SPEN: variants seen among roughly 807,000 people sequenced by gnomAD.
SPEN encodes spen family transcriptional repressor.
A neutral mutation model predicts 269.9 loss-of-function variants in SPEN; 18 were observed. That is an observed-to-expected ratio of 0.07 (90% CI 0.05 to 0.10). The LOEUF (loss-of-function observed/expected upper bound fraction) is 0.10. Among genes scored for constraint, SPEN ranks in the 10% least tolerant of loss-of-function variants. The pLI is 1.00. For synonymous variants in SPEN, 1,726 were observed against 1,765.7 expected (o/e 0.98, Z 0.56); for missense variants, 3,822 against 4,631.2 (o/e 0.83, Z 5.07).
At position 15,934,950 on chromosome 1, in the gene SPEN, G is replaced by T; in HGVS notation, c.8710G>T (p.Ala2904Ser). 6.2e-7 allele frequency: 1 copy of T among 1,613,914 alleles called. No individual in the cohort carries two copies. Among genetic ancestry groups the T allele is most frequent in the Non-Finnish European group, 8.5e-7 (1 of 1,179,988 alleles). The change falls in exon 11 of 15, where the codon GCC becomes TCC. Residue 2904 changes from alanine to serine, a missense_variant. Transcript: ENST00000375759. This position sits in a 1 kb window ranked among gnomAD's most constrained non-coding sequence, Gnocchi z 9.2. ...NASPVISSVK[A>S]DRPSLEKPEP... ...CTCTCCTGTGATTTCGTCTGTGAAG[G>T]CCGATAGGCCATCCTTGGAGAAGCC...
intron 1 of SPEN, among the ~76,000 whole-genome samples, chr1:15,856,786 T>C (rs2070392794): frequency 6.6e-6 from 1 of 152,046 alleles, no homozygotes; most frequent in Non-Finnish European, 1.5e-5. Flanking sequence ...TAGGCTGGTC[T>C]TGAACTCCTG....
rs1315037790 is a variant in SPEN at position 15,930,549 on chromosome 1, G to T, written c.4309G>T (p.Asp1437Tyr). The change falls in exon 11 of 15, where the codon GAT becomes TAT. Residue 1437 changes from aspartate (D) to tyrosine (Y), a missense_variant. Asp to Tyr is a radical substitution (Grantham distance 160). Coordinates refer to ENST00000375759, the MANE Select transcript of SPEN (RefSeq NM_015001.3). This position sits in a 1 kb window ranked among gnomAD's most constrained non-coding sequence, Gnocchi z 5.3. ...GAACAAATTTTACTCTTTTGCATTG[G>T]ATAAGACAATCACACCAGACACTAA... is the stretch of plus-strand genomic sequence containing the variant. ...ERNKFYSFAL[D>Y]KTITPDTKAL... 3 of 1,614,068 alleles carry T rather than the reference G, an allele frequency of 1.9e-6. No individual in the cohort carries two copies. Among genetic ancestry groups the T allele is most frequent in the Non-Finnish European group, 2.5e-6 (3 of 1,179,980 alleles).
At chr1:15,887,276 A>ATTTTT (rs34435171) in intron 3 of SPEN, among the ~76,000 whole-genome samples, 16 of 82,294 alleles carry the variant, frequency 1.9e-4, no homozygotes, top group African/African-American at 5.5e-4. Flanking sequence ...CCTGGCCTGA[A>ATTTTT]TTTTTTTTTT....
chr1:15,923,431 C>T lies in SPEN; in HGVS notation c.1850+1082C>T, dbSNP rs142469981. The stretch of plus-strand genomic sequence containing the variant: ...TGGAATGTTCCCACTAGGTCTCCAC[C>T]CCTATATGTGTTAGACAAAAGGTTT... On this transcript the variant is annotated intron_variant, in intron 10 of 14. Coordinates refer to ENST00000375759, the MANE Select transcript of SPEN (RefSeq NM_015001.3). Among the ~76,000 whole-genome samples, 4 of 152,202 alleles carry T rather than the reference C, an allele frequency of 2.6e-5. No homozygotes were observed. The East Asian group carries it at 7.7e-4, about 29-fold the overall frequency.
In SPEN at chr1:15,933,787, C is replaced by T. The variant is rs778553422; in HGVS notation, c.7547C>T (p.Pro2516Leu). 7.4e-6 allele frequency: 12 copies of T among 1,613,548 alleles called. No homozygotes were observed. In the East Asian group the frequency reaches 1.3e-4, roughly 18 times the overall value. Reference sequence around the variant, plus strand: ...CCACGGGCTCAGTCTACTCCATCTCCAGCTCTTCCCCCAGACACAAAGGCC... The same window carrying T: ...CCACGGGCTCAGTCTACTCCATCTCTAGCTCTTCCCCCAGACACAAAGGCC... ...EEPRAQSTPS[P>L]ALPPDTKASD... Residue 2516 changes from proline (P) to leucine (L), a missense_variant, in exon 11 of 15, where the codon CCA (proline) becomes CTA (leucine). Physicochemically the swap from Pro to Leu is moderately conservative, Grantham distance 98. Coordinates refer to ENST00000375759, the MANE Select transcript of SPEN (RefSeq NM_015001.3). The surrounding 1 kb of genome is among the most constrained non-coding windows in gnomAD (Gnocchi z 5.7).
At chr1:15,891,825 G>GTGTC (rs1419375290) in intron 3 of SPEN, among the ~76,000 whole-genome samples, 1 of 151,368 alleles carries the variant, frequency 6.6e-6, no homozygotes, top group African/African-American at 2.4e-5. Context: ...TAATGTCATG[G>GTGTC]TGTCATGTTA....
Position 15,932,400 on chromosome 1 carries a change from C to T in SPEN, c.6160C>T (p.Pro2054Ser). 1.2e-6 allele frequency: 2 copies of T among 1,614,068 alleles called. No homozygotes were observed. Among genetic ancestry groups the T allele is most frequent in the South Asian group, 1.1e-5 (1 of 91,076 alleles). ...AAAAGATGCTGGCACAGACAAAAAC[C>T]CCCCTGAAACCGCCCCTGTTGAAGT... is the stretch of plus-strand genomic sequence containing the variant. ...DRKDAGTDKN[P>S]PETAPVEVVE... The change falls in exon 11 of 15, where the codon CCC becomes TCC. Residue 2054 changes from proline to serine, a missense_variant. Pro to Ser is a moderately conservative substitution (Grantham distance 74). Transcript: ENST00000375759. This position sits in a 1 kb window ranked among gnomAD's most constrained non-coding sequence, Gnocchi z 4.2.
Position 15,935,702 on chromosome 1 carries a change from C to T in SPEN, c.9462C>T (p.His3154=). The T allele has an allele frequency of 1.2e-6, 2 of 1,613,546 alleles. No homozygotes were observed. The highest frequency in any genetic ancestry group is 1.1e-5 in the South Asian group (1 of 91,046). The change falls in exon 11 of 15, where the codon CAC becomes CAT. Residue 3154 remains histidine, a synonymous_variant. Coordinates refer to ENST00000375759, the MANE Select transcript of SPEN (RefSeq NM_015001.3). This position sits in a 1 kb window ranked among gnomAD's most constrained non-coding sequence, Gnocchi z 7.7. The part of the protein sequence containing the change: ...PAGVPALASQ[H]PPEEEVHYHL... ...GTGTGCCTGCACTGGCCTCCCAGCA[C>T]CCTCCCGAGGAGGAAGTGCATTATC...
Position 15,850,247 on chromosome 1 carries a change from C to T in SPEN, c.83+2097C>T, listed in dbSNP as rs542902853. Reference sequence around the variant, plus strand: ...AAAGCGGCAGTCTGGAGGAACATTACTGTATTAAAAACGGCTTAGCTGGCA... The same window carrying T: ...AAAGCGGCAGTCTGGAGGAACATTATTGTATTAAAAACGGCTTAGCTGGCA... On this transcript the variant is annotated intron_variant, in intron 1 of 14. Coordinates refer to ENST00000375759, the MANE Select transcript of SPEN (RefSeq NM_015001.3). Among the ~76,000 whole-genome samples, 4 of 152,264 alleles carry T rather than the reference C, an allele frequency of 2.6e-5. No individual in the cohort carries two copies. In the East Asian group the frequency reaches 7.7e-4, roughly 29 times the overall value.
intron 5 of SPEN, among the ~76,000 whole-genome samples, chr1:15,914,097 A>G (rs1478065706): frequency 2.0e-5 from 3 of 152,220 alleles, no homozygotes; most frequent in Non-Finnish European, 4.4e-5. Flanking sequence ...TGCAGAATAT[A>G]TGGAGACAGC....
intron 3 of SPEN, among the ~76,000 whole-genome samples, chr1:15,881,075 C>CCT (rs1356679772): frequency 6.6e-6 from 1 of 152,122 alleles, no homozygotes; most frequent in Admixed American, 6.6e-5. Flanking sequence ...CTCAAACCAT[C>CCT]CTCCTGTTTC....
chr1:15,917,988 C>A (rs914963639), intron 6 of SPEN: 3 of 152,146 alleles, frequency 2.0e-5, no homozygotes, highest in Non-Finnish European at 4.4e-5. Flanking sequence ...AAATGGATGA[C>A]CTCATTTTCA....
Position 15,931,745 on chromosome 1 carries a change from C to T in SPEN, c.5505C>T (p.Ile1835=), listed in dbSNP as rs753572544. ...CTGTTCAGGCAGCTGCAGTGAGTATCGTGGAGAAGCCCGTCACAAGGAAGA... is the reference window on the plus strand; with the variant it reads ...CTGTTCAGGCAGCTGCAGTGAGTATTGTGGAGAAGCCCGTCACAAGGAAGA... ...KTPVQAAAVS[I]VEKPVTRKSE... The change falls in exon 11 of 15, where the codon ATC becomes ATT. Residue 1835 remains isoleucine, a synonymous_variant. Transcript: ENST00000375759. This position sits in a 1 kb window ranked among gnomAD's most constrained non-coding sequence, Gnocchi z 4.8. 1.5e-5 allele frequency: 24 copies of T among 1,613,964 alleles called. No homozygotes were observed. Among genetic ancestry groups the T allele is most frequent in the South Asian group, 7.7e-5 (7 of 91,082 alleles).
At chr1:15,915,202 G>A (rs796826181) in intron 5 of SPEN, among the ~76,000 whole-genome samples, 13 of 152,278 alleles carry the variant, frequency 8.5e-5, no homozygotes, top group African/African-American at 3.1e-4. Flanking sequence ...CTATTTCTGT[G>A]TCAGTGATTA....
rs139094823 is a variant in SPEN at position 15,936,222 on chromosome 1, G to A, written c.9982G>A (p.Ala3328Thr). 1.3e-6 allele frequency: 2 copies of A among 1,561,802 alleles called. No homozygotes were observed. The highest frequency in any genetic ancestry group is 1.8e-5 in the Admixed American group (1 of 56,836). The change falls in exon 11 of 15, where the codon GCT becomes ACT. Residue 3328 changes from alanine (A) to threonine (T), a missense_variant. Ala to Thr is a moderately conservative substitution (Grantham distance 58, BLOSUM62 0). Around this residue, in one of 16 missense-constraint regions of SPEN, gnomAD observed 359 missense variants for 377.3 expected, o/e 0.95. Transcript: ENST00000375759. ...AQLTHTQFPA[A>T]SSVGLPSRTK... is the part of the protein sequence containing the mutation. ...GCTCACACACACTCAGTTTCCCGCCGCTTCCTCTGTTGGCCTGCCTTCCCG... is the reference window on the plus strand; with the variant it reads ...GCTCACACACACTCAGTTTCCCGCCACTTCCTCTGTTGGCCTGCCTTCCCG...
rs200005166 is a variant in SPEN at position 15,919,506 on chromosome 1, C to T, written c.1624C>T (p.Pro542Ser). ...YLTRHFCRYG[P>S]VVKVVFDRLK... ...AACACGACATTTCTGCCGATATGGG[C>T]CTGTGGTAAAGGTAGGCGGGAGGTT... Residue 542 changes from proline to serine, a missense_variant, in exon 8 of 15, where the codon CCT becomes TCT. Pro to Ser is a moderately conservative substitution (Grantham distance 74, BLOSUM62 -1). Coordinates refer to ENST00000375759, the MANE Select transcript of SPEN (RefSeq NM_015001.3). 8.0e-5 allele frequency: 127 copies of T among 1,595,790 alleles called. No homozygotes were observed. The Middle Eastern group carries it at 1.0e-3, about 13-fold the overall frequency.
intron 3 of SPEN, among the ~76,000 whole-genome samples, chr1:15,903,524 A>T (rs2148725207): frequency 6.6e-6 from 1 of 152,284 alleles, no homozygotes; most frequent in South Asian, 2.1e-4. Flanking sequence ...GGGAGCTGGG[A>T]CCACAGGCGC....
At chr1:15,901,649 C>CAAAAAA (rs113563212) in intron 3 of SPEN, among the ~76,000 whole-genome samples, 1 of 52,792 alleles carries the variant, frequency 1.9e-5, no homozygotes, top group African/African-American at 5.9e-5. Context: ...GACTCCATCT[C>CAAAAAA]AAAAAAAAAA....
chr1:15,883,506 C>G (rs963857416), intron 3 of SPEN, among the ~76,000 whole-genome samples: 1 of 151,906 alleles, frequency 6.6e-6, no homozygotes, highest in African/African-American at 2.4e-5. Context: ...ACTGCAACCT[C>G]CACCTCCCGG....
Sources: gnomAD v4.1 joint callset for allele counts (sites outside exome capture counted in the v4.1 genomes callset) on GRCh38, gnomAD v4.1.1 for gene constraint, gnomAD v4.1.1 regional missense constraint, Gnocchi (gnomAD v3.1) non-coding constraint, MANE v1.5 for transcripts, NCBI Gene and HGNC (gene_info 2026-07-23, HGNC 2026-07-21) for gene names.